The following DCC variants were observed in gnomAD, a reference collection of about 807,000 sequenced individuals.
DCC encodes the protein DCC netrin 1 receptor, also known as netrin receptor DCC.
A neutral mutation model predicts 172.5 loss-of-function variants in DCC; 58 were observed. The observed-to-expected ratio is 0.34, with a 90% CI of 0.27 to 0.42. DCC has a LOEUF of 0.42. Ranked by LOEUF, DCC falls within the 10% of genes least tolerant of loss-of-function variation. The pLI is 1.00. For missense variants in DCC, 1,740 were observed against 1,791.0 expected (o/e 0.97, Z 0.51); for synonymous variants, 709 against 644.5 (o/e 1.10, Z -1.52).
At chr18:52,993,903 T>C (rs2041436546) in intron 5 of DCC, among the ~76,000 whole-genome samples, 1 of 152,076 alleles carries the variant, frequency 6.6e-6, no homozygotes, top group Non-Finnish European at 1.5e-5. Flanking sequence ...AGTAAGGAGT[T>C]TTCTTAGAAT....
intron 12 of DCC, among the ~76,000 whole-genome samples, chr18:53,229,856 A>G (rs1275247346): frequency 6.7e-6 from 1 of 149,326 alleles, no homozygotes; most frequent in Non-Finnish European, 1.5e-5. Flanking sequence ...AAATCAAAAG[A>G]AAGGTCAAAT....
rs541101046 is a variant in DCC at position 53,283,829 on chromosome 18, C to T, written c.1912-21749C>T. Reference sequence around the variant, plus strand: ...AATTTTCTCATGAACTCTGGTATGACTTTGTCAATGCTAATTATAAACTTA... The same window carrying T: ...AATTTTCTCATGAACTCTGGTATGATTTTGTCAATGCTAATTATAAACTTA... On this transcript the variant is annotated intron_variant, in intron 12 of 28. Transcript: ENST00000442544. Among the ~76,000 whole-genome samples, 39 of 152,292 alleles carry T rather than the reference C, an allele frequency of 2.6e-4. No individual in the cohort carries two copies. The South Asian group carries it at 8.1e-3, about 32-fold the overall frequency.
chr18:52,683,507 A>G (rs1327600430), intron 1 of DCC, among the ~76,000 whole-genome samples: 1 of 152,238 alleles, frequency 6.6e-6, no homozygotes, highest in Admixed American at 6.6e-5. Flanking sequence ...ATATTAATTG[A>G]CATATTGATT....
At chr18:52,535,354 A>G (rs1450071598) in intron 1 of DCC, among the ~76,000 whole-genome samples, 6 of 152,186 alleles carry the variant, frequency 3.9e-5, no homozygotes, top group Non-Finnish European at 7.4e-5. Context: ...AAGGTTAGCA[A>G]CAGTAGAGCC....
chr18:52,569,745 G>A (rs2033249166), intron 1 of DCC, among the ~76,000 whole-genome samples: 1 of 152,158 alleles, frequency 6.6e-6, no homozygotes, highest in South Asian at 2.1e-4. Flanking sequence ...GGTGGAGTTG[G>A]TGTACCAGGG....
chr18:52,929,447 A>G (rs1304127597), intron 5 of DCC, among the ~76,000 whole-genome samples: 8 of 152,196 alleles, frequency 5.3e-5, no homozygotes, highest in Non-Finnish European at 5.9e-5. Context: ...ATAATTAGTC[A>G]CTTACATAAA....
chr18:52,481,984 T>C (rs2144584387), intron 1 of DCC, among the ~76,000 whole-genome samples: 1 of 152,268 alleles, frequency 6.6e-6, no homozygotes, highest in South Asian at 2.1e-4. Flanking sequence ...TTTCCTACCA[T>C]ATCACTAACA....
intron 1 of DCC, among the ~76,000 whole-genome samples, chr18:52,363,191 T>C (rs946140548): frequency 6.6e-6 from 1 of 152,216 alleles, no homozygotes; most frequent in Non-Finnish European, 1.5e-5. Flanking sequence ...AACACCTTTC[T>C]AGGGATAAAC....
chr18:53,465,035 T>A (rs2045603706), intron 24 of DCC, among the ~76,000 whole-genome samples: 1 of 147,316 alleles, frequency 6.8e-6, no homozygotes, highest in Non-Finnish European at 1.5e-5. Flanking sequence ...ACTGGTTGGA[T>A]CTAGAGTTAC....
chr18:53,199,607 CATAT>C (rs10587373), intron 9 of DCC, among the ~76,000 whole-genome samples: 11 of 149,436 alleles, frequency 7.4e-5, no homozygotes, highest in Admixed American at 4.0e-4. Flanking sequence ...TATGTAAGAA[CATAT>C]ATATATATAT....
intron 1 of DCC, among the ~76,000 whole-genome samples, chr18:52,743,244 G>A (rs1349275509): frequency 6.6e-6 from 1 of 152,080 alleles, no homozygotes; most frequent in East Asian, 1.9e-4. Flanking sequence ...TGACAGTTCT[G>A]CATTTATAAA....
chr18:52,368,999 G>A (rs1984997681), intron 1 of DCC, among the ~76,000 whole-genome samples: 1 of 152,204 alleles, frequency 6.6e-6, no homozygotes, highest in Admixed American at 6.5e-5. Flanking sequence ...AGTTCTGAGT[G>A]TGTTTCTACC....
intron 15 of DCC, among the ~76,000 whole-genome samples, chr18:53,381,112 A>T (rs528042125): frequency 1.9e-5 from 1 of 51,892 alleles, no homozygotes; most frequent in East Asian, 3.3e-4. Flanking sequence ...CCTCAAATTT[A>T]TGGGGGTTAG....
intron 26 of DCC, among the ~76,000 whole-genome samples, chr18:53,491,531 C>A (rs1319920342): frequency 6.6e-6 from 1 of 151,540 alleles, no homozygotes; most frequent in African/African-American, 2.4e-5. Context: ...CCCCGAGAGG[C>A]CTTGGTGTAC....
chr18:52,942,391 C>T (rs1050829630), intron 5 of DCC, among the ~76,000 whole-genome samples: 1 of 151,968 alleles, frequency 6.6e-6, no homozygotes, highest in Non-Finnish European at 1.5e-5. Context: ...TATTTTAATA[C>T]TATTTAGTAT....
chr18:52,385,946 C>T (rs1237154913), intron 1 of DCC, among the ~76,000 whole-genome samples: 1 of 151,888 alleles, frequency 6.6e-6, no homozygotes, highest in East Asian at 1.9e-4. Flanking sequence ...ATACTATGTC[C>T]CAGGGATCAT....
At chr18:53,213,789 A>T (rs974021438) in intron 11 of DCC, among the ~76,000 whole-genome samples, 24 of 151,696 alleles carry the variant, frequency 1.6e-4, no homozygotes, top group Non-Finnish European at 2.9e-4. Context: ...ATTTTATTCT[A>T]CAAATAGTAC....
intron 1 of DCC, among the ~76,000 whole-genome samples, chr18:52,538,335 T>A (rs1177341471): frequency 6.6e-6 from 1 of 152,174 alleles, no homozygotes. Flanking sequence ...AACATTCTCT[T>A]CTCTCCTCCA....
chr18:52,815,968 C>T (rs1302662076), intron 2 of DCC, among the ~76,000 whole-genome samples: 13 of 152,084 alleles, frequency 8.5e-5, no homozygotes, highest in Non-Finnish European at 1.9e-4. Context: ...CCTAACGTAA[C>T]AAAAAAGAGA....
Sources: allele counts gnomAD v4.1 joint callset (sites outside exome capture counted in the v4.1 genomes callset), GRCh38; gene constraint gnomAD v4.1.1; transcripts MANE v1.5; gene names NCBI Gene and HGNC (gene_info 2026-07-23, HGNC 2026-07-21).